MYO5B: variants seen among roughly 807,000 people sequenced by gnomAD.
MYO5B encodes unconventional myosin-Vb.
In MYO5B, 143 loss-of-function variants were observed where a neutral mutation model predicts 229.3. The observed-to-expected ratio is 0.62, with a 90% CI of 0.54 to 0.72. The LOEUF (loss-of-function observed/expected upper bound fraction) is 0.72. Among genes scored for constraint, MYO5B ranks in the 30% least tolerant of loss-of-function variants. MYO5B has a pLI of 0.00. For missense variants in MYO5B, 2,321 were observed against 2,331.0 expected (o/e 1.00, Z 0.09); for synonymous variants, 918 against 885.2 (o/e 1.04, Z -0.66).
chr18:50,182,220 A>G (rs983210723), intron 1 of MYO5B, among the ~76,000 whole-genome samples: 4 of 152,140 alleles, frequency 2.6e-5, no homozygotes, highest in African/African-American at 9.7e-5. Flanking sequence ...GAAGAAAACA[A>G]CTCGATCTAG....
intron 1 of MYO5B, among the ~76,000 whole-genome samples, chr18:50,055,694 T>C (rs1343687744): frequency 6.6e-6 from 1 of 152,020 alleles, no homozygotes; most frequent in Non-Finnish European, 1.5e-5. Context: ...TCTCAAAGGG[T>C]GTTACAAAAT....
intron 4 of MYO5B, among the ~76,000 whole-genome samples, chr18:50,014,276 A>AG (rs1555651325): frequency 5.0e-5 from 2 of 40,204 alleles, no homozygotes; most frequent in Non-Finnish European, 1.2e-4. Flanking sequence ...TGGATGAGAA[A>AG]GGAAAAAAAA....
At chr18:49,979,263 C>T (rs1033427054) in intron 9 of MYO5B, among the ~76,000 whole-genome samples, 4 of 152,182 alleles carry the variant, frequency 2.6e-5, no homozygotes, top group Non-Finnish European at 5.9e-5. Flanking sequence ...AGCTCCAGGG[C>T]ACCTAACGCT....
At chr18:50,103,349 C>T (rs924506112) in intron 1 of MYO5B, among the ~76,000 whole-genome samples, 2 of 152,244 alleles carry the variant, frequency 1.3e-5, no homozygotes, top group Non-Finnish European at 2.9e-5. Flanking sequence ...TCTATCCTGA[C>T]CCTCCCTGGA....
At chr18:50,080,486 C>T (rs1247813161) in intron 1 of MYO5B, among the ~76,000 whole-genome samples, 1 of 152,150 alleles carries the variant, frequency 6.6e-6, no homozygotes, top group Non-Finnish European at 1.5e-5. Flanking sequence ...CATTTTTATA[C>T]AGCATGTGGG....
At chr18:50,060,384 G>A in intron 1 of MYO5B, among the ~76,000 whole-genome samples, 1 of 152,078 alleles carries the variant, frequency 6.6e-6, no homozygotes, top group Middle Eastern at 3.2e-3. Context: ...CACCTTCAAG[G>A]AATGTCTTCA....
intron 1 of MYO5B, among the ~76,000 whole-genome samples, chr18:50,074,267 C>T (rs1368547503): frequency 6.6e-6 from 1 of 152,168 alleles, no homozygotes; most frequent in Non-Finnish European, 1.5e-5. Flanking sequence ...AGCCCCCATG[C>T]TCAATTACCT....
intron 13 of MYO5B, among the ~76,000 whole-genome samples, chr18:49,953,936 A>AATATATATAT (rs2025458103): frequency 1.7e-5 from 1 of 59,988 alleles, no homozygotes; most frequent in African/African-American, 7.7e-5. Flanking sequence ...GTGTGTGTAG[A>AATATATATAT]CTATATATAT....
At chr18:50,131,571 C>T (rs1256466295) in intron 1 of MYO5B, among the ~76,000 whole-genome samples, 3 of 152,162 alleles carry the variant, frequency 2.0e-5, no homozygotes, top group Non-Finnish European at 4.4e-5. Context: ...TGGCCCAGTG[C>T]TTTGTACTCC....
At chr18:50,099,333 G>C (rs1377299544) in intron 1 of MYO5B, among the ~76,000 whole-genome samples, 2 of 152,220 alleles carry the variant, frequency 1.3e-5, no homozygotes, top group African/African-American at 2.4e-5. Flanking sequence ...CAGGATCATG[G>C]AGGCTTCTCA....
rs1483053084 is a variant in MYO5B at position 49,992,364 on chromosome 18, C to A, written c.680G>T (p.Gly227Val). Residue 227 changes from glycine (G) to valine (V), a missense_variant, in exon 6 of 40, where the codon GGC (glycine) becomes GTC (valine). Physicochemically the swap from Gly to Val is moderately radical, Grantham distance 109 (BLOSUM62 -3). Coordinates refer to ENST00000285039, the MANE Select transcript of MYO5B (RefSeq NM_001080467.3). ...SSRFGKYIQIGFDKRYHIIGA... is the reference protein window; with the variant it reads ...SSRFGKYIQIVFDKRYHIIGA... ...GATGATGTGGTACCTTTTGTCAAAG[C>A]CAATCTGGATGTACTTGCCAAAACG... is the stretch of plus-strand genomic sequence containing the variant. 3.1e-6 allele frequency: 5 copies of A among 1,614,026 alleles called. No homozygotes were observed. Among genetic ancestry groups the A allele is most frequent in the Non-Finnish European group, 4.2e-6 (5 of 1,180,032 alleles).
chr18:50,169,647 G>T (rs1357769070), intron 1 of MYO5B, among the ~76,000 whole-genome samples: 1 of 127,450 alleles, frequency 7.8e-6, no homozygotes, highest in African/African-American at 3.0e-5. Context: ...ATGACAAGTG[G>T]GTGTGATGTA....
chr18:50,067,112 C>T (rs755443226), intron 1 of MYO5B, among the ~76,000 whole-genome samples: 1 of 152,082 alleles, frequency 6.6e-6, no homozygotes, highest in African/African-American at 2.4e-5. Context: ...GATGAGATTG[C>T]GTGAAATGTA....
intron 1 of MYO5B, among the ~76,000 whole-genome samples, chr18:50,152,864 TAAAAAAAA>T (rs67858852): frequency 8.0e-6 from 1 of 125,410 alleles, no homozygotes; most frequent in East Asian, 2.3e-4. Flanking sequence ...TTCTCAAAAC[TAAAAAAAA>T]AAAAAAAAAA....
intron 27 of MYO5B, among the ~76,000 whole-genome samples, chr18:49,868,467 A>G (rs1376774448): frequency 6.6e-6 from 1 of 152,184 alleles, no homozygotes; most frequent in Non-Finnish European, 1.5e-5. Flanking sequence ...TCTTGCACAA[A>G]CTCTGAGTCA....
At chr18:50,134,641 G>A (rs1251893056) in intron 1 of MYO5B, among the ~76,000 whole-genome samples, 3 of 152,142 alleles carry the variant, frequency 2.0e-5, no homozygotes, top group African/African-American at 7.2e-5. Flanking sequence ...AGCTCTCAGT[G>A]ATTTCTTGCA....
chr18:50,045,399 A>G (rs2030195413), intron 2 of MYO5B, among the ~76,000 whole-genome samples: 1 of 152,034 alleles, frequency 6.6e-6, no homozygotes. Context: ...GAGTCCTGAG[A>G]GTTTTTCTTT....
intron 1 of MYO5B, among the ~76,000 whole-genome samples, chr18:50,185,301 A>AAGAG (rs1555667725): frequency 6.6e-6 from 1 of 151,476 alleles, no homozygotes. Flanking sequence ...AAAAAAAAAA[A>AAGAG]AGAGAGAGAG....
chr18:49,829,435 A>G (rs748853755), intron 39 of MYO5B, among the ~76,000 whole-genome samples: 1 of 152,230 alleles, frequency 6.6e-6, no homozygotes, highest in Non-Finnish European at 1.5e-5. Context: ...GAATAGACCT[A>G]TAACAAGTAA....
Sources: allele counts gnomAD v4.1 joint callset (sites outside exome capture counted in the v4.1 genomes callset), GRCh38; gene constraint gnomAD v4.1.1; transcripts MANE v1.5; gene names NCBI Gene and HGNC (gene_info 2026-07-23, HGNC 2026-07-21).